DNMT1: variants seen among roughly 807,000 people sequenced by gnomAD.
DNMT1 encodes DNA (cytosine-5)-methyltransferase 1.
A neutral mutation model predicts 205.3 loss-of-function variants in DNMT1; 24 were observed. The observed-to-expected ratio is 0.12, with a 90% CI of 0.08 to 0.16. The LOEUF is 0.16. Ranked by LOEUF, DNMT1 falls within the 10% of genes least tolerant of loss-of-function variation. The pLI is 1.00. For synonymous variants in DNMT1, 817 were observed against 839.8 expected (o/e 0.97, Z 0.47); for missense variants, 1,293 against 2,177.7 (o/e 0.59, Z 8.09).
At chr19:10,163,291 G>A (rs778040139) in intron 12 of DNMT1, 35 bp downstream of exon 12, 1 of 1,612,714 alleles carries the variant, frequency 6.2e-7, no homozygotes, top group Non-Finnish European at 8.5e-7. Flanking sequence ...TACTGATCCA[G>A]ATGACACAAA....
intron 2 of DNMT1, among the ~76,000 whole-genome samples, chr19:10,181,395 G>A (rs1343538304): frequency 1.3e-5 from 2 of 151,688 alleles, no homozygotes; most frequent in Non-Finnish European, 2.9e-5. Context: ...GTTGCAGTGA[G>A]CCAAAATTGT....
chr19:10,137,349 G>GA lies in DNMT1; in HGVS notation c.4294-70dup. The GA allele has an allele frequency of 6.5e-7, 1 of 1,534,662 alleles. No individual in the cohort carries two copies. The highest frequency in any genetic ancestry group is 8.8e-7 in the Non-Finnish European group (1 of 1,138,706). On this transcript the variant is annotated intron_variant, in intron 36 of 40. Transcript: ENST00000359526. This position sits in a 1 kb window ranked among gnomAD's most constrained non-coding sequence, Gnocchi z 6.4. ...CATCCGAGCATCCATGGTGGGCTGG[G>GA]AGCTGGGAACACCATGGTGACCAGG...
In DNMT1 at chr19:10,166,599, T is replaced by C. The variant is rs201025441; in HGVS notation, c.890A>G (p.Lys297Arg). The C allele has an allele frequency of 1.0e-4, 163 of 1,614,034 alleles. No individual in the cohort carries two copies. The highest frequency in any genetic ancestry group is 1.8e-4 in the Admixed American group (11 of 59,984). Residue 297 changes from lysine (K) to arginine (R), a missense_variant and splice_region_variant, in exon 11 of 41, where the codon AAA (lysine) becomes AGA (arginine). Physicochemically the swap from Lys to Arg is conservative, Grantham distance 26. Transcript: ENST00000359526. ...CAGAAACAAATAACCCGCCTTTACT[T>C]TCTCGTCTCCATCTTCGTCCTCGTC... is the stretch of plus-strand genomic sequence containing the variant. Reference protein sequence around the residue: ...QADEDEDGDEKDEKKHRSQPK... With the variant: ...QADEDEDGDERDEKKHRSQPK...
In DNMT1 at chr19:10,138,715, C is replaced by G. The variant is rs939983923; in HGVS notation, c.3949-110G>C. On this transcript the variant is annotated intron_variant, in intron 34 of 40. Coordinates refer to ENST00000359526, the MANE Select transcript of DNMT1 (RefSeq NM_001130823.3). This position sits in a 1 kb window ranked among gnomAD's most constrained non-coding sequence, Gnocchi z 4.1. The stretch of plus-strand genomic sequence containing the variant: ...CTGAGTCGGGAGTGGCTGGCCAATG[C>G]GGAGTGCACTTGCAGAAATCCCCAG... 17 of 1,383,920 alleles carry G rather than the reference C, an allele frequency of 1.2e-5. No individual in the cohort carries two copies. The highest frequency in any genetic ancestry group is 1.7e-5 in the Non-Finnish European group (17 of 1,025,566). The allele number at this position is 1,383,920 out of a possible 1,614,324, so 85.7% of individuals were successfully genotyped here.
intron 9 of DNMT1, among the ~76,000 whole-genome samples, chr19:10,169,146 G>A (rs1033761818): frequency 3.3e-5 from 5 of 151,940 alleles, no homozygotes; most frequent in African/African-American, 9.7e-5. Flanking sequence ...TGCATTTAAA[G>A]AACCAGACAC....
chr19:10,166,632 A>G lies in DNMT1; in HGVS notation c.857T>C (p.Val286Ala), dbSNP rs766504703. 1.3e-5 allele frequency: 21 copies of G among 1,614,008 alleles called. No individual in the cohort carries two copies. Among genetic ancestry groups the G allele is most frequent in the Non-Finnish European group, 1.6e-5 (19 of 1,180,042 alleles). The change falls in exon 11 of 41, where the codon GTG becomes GCG. Residue 286 changes from valine (V) to alanine (A), a missense_variant. Coordinates refer to ENST00000359526, the MANE Select transcript of DNMT1 (RefSeq NM_001130823.3). ...EEPDREARAG[V>A]QADEDEDGDE... ...TCCATCTTCGTCCTCGTCAGCCTGC[A>G]CGCCTGCCCTGGCTTCTCTGTCCGG...
chr19:10,189,552 TG>T (rs1205823359), intron 1 of DNMT1, among the ~76,000 whole-genome samples: 1 of 151,760 alleles, frequency 6.6e-6, no homozygotes, highest in Non-Finnish European at 1.5e-5. Context: ...CCCGAGTAGC[TG>T]GGACCCCAGG....
rs370207020 is a variant in DNMT1 at position 10,180,409 on chromosome 19, G to T, written c.386C>A (p.Pro129His). The part of the protein sequence containing the change: ...RVGMADANSP[P>H]KPLSKPRTPR... The stretch of plus-strand genomic sequence containing the variant: ...CGTGCGAGGTTTGGAAAGGGGTTTG[G>T]GGGGGCTGTTGGCATCTGCCATTCC... Residue 129 changes from proline to histidine, a missense_variant, in exon 4 of 41, where the codon CCC becomes CAC. Coordinates refer to ENST00000359526, the MANE Select transcript of DNMT1 (RefSeq NM_001130823.3). 10 of 1,614,042 alleles carry T rather than the reference G, an allele frequency of 6.2e-6. No homozygotes were observed. The highest frequency in any genetic ancestry group is 2.2e-5 in the South Asian group (2 of 91,082).
chr19:10,136,083 G>T, intron 38 of DNMT1, 38 bp downstream of exon 38: 5 of 1,613,352 alleles, frequency 3.1e-6, no homozygotes, highest in Non-Finnish European at 3.4e-6. Context: ...CAAGTACAGG[G>T]CCTGACCCAG....
Position 10,146,436 on chromosome 19 carries a change from C to G in DNMT1, c.2809G>C (p.Val937Leu), listed in dbSNP as rs773559669. 2.5e-6 allele frequency: 4 copies of G among 1,613,972 alleles called. No homozygotes were observed. The South Asian group carries it at 4.4e-5, about 18-fold the overall frequency. Residue 937 changes from valine (V) to leucine (L), a missense_variant, in exon 28 of 41, where the codon GTC becomes CTC. Physicochemically the swap from Val to Leu is conservative, Grantham distance 32. Around this residue, in one of 13 missense-constraint regions of DNMT1, gnomAD observed 112 missense variants for 116.6 expected, o/e 0.96. Coordinates refer to ENST00000359526, the MANE Select transcript of DNMT1 (RefSeq NM_001130823.3). This position sits in a 1 kb window ranked among gnomAD's most constrained non-coding sequence, Gnocchi z 4.4. ...TTCTTGGTGGCTGAGTAGTAGAGGA[C>G]CCGGCTATCCAGGTCCTCGAGCTGC... The part of the protein sequence containing the change: ...LEQLEDLDSR[V>L]LYYSATKNGI...
intron 11 of DNMT1, among the ~76,000 whole-genome samples, chr19:10,165,939 C>A (rs934449259): frequency 6.6e-6 from 1 of 152,108 alleles, no homozygotes; most frequent in Non-Finnish European, 1.5e-5. Flanking sequence ...GTGCTTGTCA[C>A]CCAGCAAGCC....
At chr19:10,171,804 CAAATAAATAAATAAAT>C (rs201700970) in intron 9 of DNMT1, among the ~76,000 whole-genome samples, 28 of 140,010 alleles carry the variant, frequency 2.0e-4, no homozygotes, top group Middle Eastern at 7.0e-3. Flanking sequence ...GACTCCGTCT[CAAATAAATAAATAAAT>C]AAATAAATAA....
chr19:10,137,448 G>A lies in DNMT1; in HGVS notation c.4294-168C>T, dbSNP rs1211186660. On this transcript the variant is annotated intron_variant, in intron 36 of 40. Coordinates refer to ENST00000359526, the MANE Select transcript of DNMT1 (RefSeq NM_001130823.3). This position sits in a 1 kb window ranked among gnomAD's most constrained non-coding sequence, Gnocchi z 6.4. ...CGCACTTGGCTCGAGGCCACGGCAG[G>A]GACCTGAGGCAGCGCAGGTGTAGGA... is the stretch of plus-strand genomic sequence containing the variant. 1 of 826,250 alleles carries A rather than the reference G, an allele frequency of 1.2e-6. No homozygotes were observed. Among genetic ancestry groups the A allele is most frequent in the Non-Finnish European group, 1.9e-6 (1 of 528,004 alleles). 51.2% of individuals were successfully genotyped at this position (826,250 alleles called of 1,614,324 possible).
intron 7 of DNMT1, among the ~76,000 whole-genome samples, chr19:10,174,138 A>G (rs1199939709): frequency 6.6e-6 from 1 of 152,206 alleles, no homozygotes; most frequent in Non-Finnish European, 1.5e-5. Flanking sequence ...ACTGCCCATC[A>G]CTAGAGATCG....
intron 10 of DNMT1, 145 bp from the exon 11 acceptor site, chr19:10,166,830 G>A (rs936248544): frequency 7.3e-6 from 6 of 827,544 alleles, no homozygotes; most frequent in Non-Finnish European, 1.2e-5. Flanking sequence ...AGGAAGCCCA[G>A]AGGGCATTTA....
chr19:10,142,263 G>A (rs750795586), intron 29 of DNMT1, 43 bp from the exon 30 acceptor site: 4 of 1,612,992 alleles, frequency 2.5e-6, no homozygotes, highest in Non-Finnish European at 3.4e-6. Flanking sequence ...CCTTTGTGGT[G>A]AGCTTATGCT....
chr19:10,160,238 A>G (rs1257053221), intron 14 of DNMT1, 146 bp downstream of exon 14: 3 of 1,507,060 alleles, frequency 2.0e-6, no homozygotes, highest in South Asian at 1.2e-5. Context: ...ATCCTGCCTG[A>G]CGCACCTTGG....
At chr19:10,175,132 T>C (rs942307020) in intron 7 of DNMT1, among the ~76,000 whole-genome samples, 128 of 143,666 alleles carry the variant, frequency 8.9e-4, no homozygotes, top group African/African-American at 2.2e-3. Flanking sequence ...CACACACATA[T>C]ATATAACATG....
Position 10,140,030 on chromosome 19 carries a change from G to C in DNMT1, c.3806+16C>G, listed in dbSNP as rs545866882. ...CCGGGCCGTCTGGCAACACTGGGGG[G>C]CTTCTACCCGTTTACCTGAGGAAGG... On this transcript the variant is annotated intron_variant, in intron 33 of 40. Transcript: ENST00000359526. The surrounding 1 kb of genome is among the most constrained non-coding windows in gnomAD (Gnocchi z 8.4). The C allele has an allele frequency of 1.2e-6, 2 of 1,605,490 alleles. No individual in the cohort carries two copies. Among genetic ancestry groups the C allele is most frequent in the Non-Finnish European group, 8.5e-7 (1 of 1,180,004 alleles).
Sources: allele counts gnomAD v4.1 joint callset (sites outside exome capture counted in the v4.1 genomes callset), GRCh38; gene constraint gnomAD v4.1.1; regional missense constraint gnomAD v4.1.1; non-coding constraint Gnocchi (gnomAD v3.1); transcripts MANE v1.5; gene names NCBI Gene and HGNC (gene_info 2026-07-23, HGNC 2026-07-21).